Variants in DUSP10 observed in about 807,000 individuals in gnomAD.
DUSP10 encodes dual specificity protein phosphatase 10.
In DUSP10, 14 loss-of-function variants were observed where a neutral mutation model predicts 30.8. That is an observed-to-expected ratio of 0.46 (90% CI 0.30 to 0.71). DUSP10 has a LOEUF of 0.71. DUSP10 is among the 30% of genes least tolerant of loss of function. The pLI is 0.08. For synonymous variants in DUSP10, 254 were observed against 250.4 expected (o/e 1.01, Z -0.14); for missense variants, 550 against 619.4 (o/e 0.89, Z 1.19).
At chr1:221,711,253 G>C (rs1015884178) in intron 2 of DUSP10, among the ~76,000 whole-genome samples, 1 of 152,210 alleles carries the variant, frequency 6.6e-6, no homozygotes, top group Non-Finnish European at 1.5e-5. Context: ...ATGTGATTCA[G>C]AAGCAATGCG....
chr1:221,739,527 C>T lies in DUSP10; in HGVS notation c.218G>A (p.Cys73Tyr), dbSNP rs1414619229. Reference protein sequence around the residue: ...SSSGSARSLNCGCSSASCCTV... With the variant: ...SSSGSARSLNYGCSSASCCTV... ...GCAGCAGCTGGCACTGCTGCATCCACAATTCAGCGAGCGGGCAGAGCCGCT... is the reference window on the plus strand; with the variant it reads ...GCAGCAGCTGGCACTGCTGCATCCATAATTCAGCGAGCGGGCAGAGCCGCT... Residue 73 changes from cysteine to tyrosine, a missense_variant, in exon 2 of 4, where the codon TGT becomes TAT. By Grantham distance (194) the Cys-to-Tyr change is radical. Transcript: ENST00000366899. The T allele has an allele frequency of 6.2e-7, 1 of 1,614,058 alleles. No homozygotes were observed. The highest frequency in any genetic ancestry group is 8.5e-7 in the Non-Finnish European group (1 of 1,180,050).
At chr1:221,711,244 T>C (rs1005923394) in intron 2 of DUSP10, among the ~76,000 whole-genome samples, 2 of 152,244 alleles carry the variant, frequency 1.3e-5, no homozygotes, top group African/African-American at 4.8e-5. Flanking sequence ...TCCTCTGTAA[T>C]GTGATTCAGA....
chr1:221,728,545 G>A (rs1482763889), intron 2 of DUSP10, among the ~76,000 whole-genome samples: 1 of 152,200 alleles, frequency 6.6e-6, no homozygotes, highest in African/African-American at 2.4e-5. Context: ...AAGGAGAGGA[G>A]AGAAACTAAA....
intron 2 of DUSP10, among the ~76,000 whole-genome samples, chr1:221,724,009 A>G (rs1451854817): frequency 6.6e-6 from 1 of 152,216 alleles, no homozygotes; most frequent in Admixed American, 6.5e-5. Context: ...CATTAACATA[A>G]ACACAGGTGT....
At chr1:221,711,429 A>G (rs771047724) in intron 2 of DUSP10, among the ~76,000 whole-genome samples, 3 of 152,230 alleles carry the variant, frequency 2.0e-5, no homozygotes, top group Admixed American at 6.5e-5. Flanking sequence ...AACAGAAGTA[A>G]TGTCCAAAGA....
In DUSP10 at chr1:221,706,300, C is replaced by A. The variant is rs1422118398; in HGVS notation, c.978G>T (p.Leu326Phe). Residue 326 changes from leucine to phenylalanine, a missense_variant, in exon 3 of 4, where the codon TTG (leucine) becomes TTT (phenylalanine). By Grantham distance (22) the Leu-to-Phe change is conservative (BLOSUM62 0). Transcript: ENST00000366899. This position sits in a 1 kb window ranked among gnomAD's most constrained non-coding sequence, Gnocchi z 4.6. ...DIENAELTPI[L>F]PFLFLGNEQD... ...GCTCATTGCCAAGGAACAGGAAGGG[C>A]AAGATGGGGGTGAGCTCAGCGTTCT... is the stretch of plus-strand genomic sequence containing the variant. The A allele has an allele frequency of 8.7e-6, 14 of 1,613,996 alleles. No homozygotes were observed. The highest frequency in any genetic ancestry group is 1.2e-5 in the Non-Finnish European group (14 of 1,179,952).
intron 2 of DUSP10, among the ~76,000 whole-genome samples, chr1:221,726,517 GAAC>G (rs1661429649): frequency 6.6e-6 from 1 of 152,092 alleles, no homozygotes; most frequent in Non-Finnish European, 1.5e-5. Flanking sequence ...TATGGGTAGA[GAAC>G]AAAAAGAAAT....
chr1:221,724,004 A>C (rs11118838), intron 2 of DUSP10, among the ~76,000 whole-genome samples: 62,721 of 152,120 alleles, frequency 0.41, 14,836 homozygotes, highest in Middle Eastern at 0.56. Context: ...CATCGCATTA[A>C]CATAAACACA....
At chr1:221,718,930 A>G (rs1227393850) in intron 2 of DUSP10, among the ~76,000 whole-genome samples, 1 of 152,232 alleles carries the variant, frequency 6.6e-6, no homozygotes, top group African/African-American at 2.4e-5. Context: ...GGTCCTCTAG[A>G]AACATCCATG....
intron 2 of DUSP10, among the ~76,000 whole-genome samples, chr1:221,708,717 A>AT (rs1221599799): frequency 2.0e-5 from 3 of 152,196 alleles, no homozygotes; most frequent in Admixed American, 1.3e-4. Flanking sequence ...AATAAATAAG[A>AT]TAAAAACTAC....
chr1:221,710,137 T>A (rs1308663254), intron 2 of DUSP10, among the ~76,000 whole-genome samples: 1 of 152,194 alleles, frequency 6.6e-6, no homozygotes, highest in Non-Finnish European at 1.5e-5. Context: ...GAAGCCTATG[T>A]AAAGGTTTTG....
chr1:221,734,323 A>G (rs1661702133), intron 2 of DUSP10, among the ~76,000 whole-genome samples: 1 of 152,234 alleles, frequency 6.6e-6, no homozygotes, highest in African/African-American at 2.4e-5. Context: ...TGTTTTTGCA[A>G]TTACTTGGCA....
chr1:221,730,363 C>G (rs997403710), intron 2 of DUSP10, among the ~76,000 whole-genome samples: 4 of 152,206 alleles, frequency 2.6e-5, no homozygotes, highest in African/African-American at 9.7e-5. Context: ...ATGCGACCCC[C>G]TGGCTCGGGC....
intron 2 of DUSP10, among the ~76,000 whole-genome samples, chr1:221,724,177 G>C (rs1458850946): frequency 6.6e-6 from 1 of 152,182 alleles, no homozygotes; most frequent in Non-Finnish European, 1.5e-5. Context: ...TCTGGAGTCA[G>C]GCAGGTCTGA....
chr1:221,709,735 T>C (rs922467145), intron 2 of DUSP10, among the ~76,000 whole-genome samples: 2 of 152,088 alleles, frequency 1.3e-5, no homozygotes, highest in Middle Eastern at 3.2e-3. Context: ...GATTGTTTTC[T>C]TCTCTTGGGG....
intron 2 of DUSP10, among the ~76,000 whole-genome samples, chr1:221,723,351 C>G (rs1037873860): frequency 6.6e-6 from 1 of 152,242 alleles, no homozygotes. Flanking sequence ...AGCTGCAGCA[C>G]TTAGCTCTCT....
At chr1:221,724,229 C>G (rs1661358680) in intron 2 of DUSP10, among the ~76,000 whole-genome samples, 1 of 152,158 alleles carries the variant, frequency 6.6e-6, no homozygotes, top group Non-Finnish European at 1.5e-5. Context: ...CTTACCTAAC[C>G]TCTCTCAGCC....
At chr1:221,703,647 G>T (rs1660674501) in intron 3 of DUSP10, among the ~76,000 whole-genome samples, 1 of 152,224 alleles carries the variant, frequency 6.6e-6, no homozygotes, top group Admixed American at 6.5e-5. Context: ...GAAAGAGGAA[G>T]ACTTGCTAAG....
Position 221,739,165 on chromosome 1 carries a change from T to G in DUSP10, c.580A>C (p.Ile194Leu). 6.2e-7 allele frequency: 1 copy of G among 1,614,224 alleles called. No individual in the cohort carries two copies. Among genetic ancestry groups the G allele is most frequent in the Non-Finnish European group, 8.5e-7 (1 of 1,180,034 alleles). Residue 194 changes from isoleucine (I) to leucine (L), a missense_variant, in exon 2 of 4, where the codon ATT becomes CTT. Transcript: ENST00000366899. ...CGGCTGATCTTATCGGCACAGTTAATGTGGACAGCTCCTTGGATGTGACTC... is the reference window on the plus strand; with the variant it reads ...CGGCTGATCTTATCGGCACAGTTAAGGTGGACAGCTCCTTGGATGTGACTC... ...NKSHIQGAVH[I>L]NCADKISRRR...
Sources: gnomAD v4.1 joint callset for allele counts (sites outside exome capture counted in the v4.1 genomes callset) on GRCh38, gnomAD v4.1.1 for gene constraint, Gnocchi (gnomAD v3.1) non-coding constraint, MANE v1.5 for transcripts, NCBI Gene and HGNC (gene_info 2026-07-23, HGNC 2026-07-21) for gene names.